The following CERS3 variants were observed in gnomAD, a reference collection of about 807,000 sequenced individuals.
CERS3 encodes LAG1 homolog, ceramide synthase 3.
Under a neutral mutation model 50.3 loss-of-function variants are expected in CERS3, and 33 were observed. That is an observed-to-expected ratio of 0.66 (90% CI 0.50 to 0.88). The LOEUF is 0.88. Among genes scored for constraint, CERS3 ranks in the 40% least tolerant of loss-of-function variants. The probability of loss-of-function intolerance (pLI) is 0.00; values close to 1 mark genes in which losing one functional copy is unlikely to be tolerated. For synonymous variants in CERS3, 176 were observed against 155.2 expected (o/e 1.13, Z -0.99); for missense variants, 470 against 460.3 (o/e 1.02, Z -0.19).
chr15:100,515,286 C>G (rs1003286750), intron 2 of CERS3, among the ~76,000 whole-genome samples: 3 of 152,190 alleles, frequency 2.0e-5, no homozygotes, highest in Non-Finnish European at 4.4e-5. Context: ...TGGATTTTAA[C>G]AATTTCAGAG....
chr15:100,437,465 G>C (rs989702044), intron 11 of CERS3, among the ~76,000 whole-genome samples: 4 of 152,176 alleles, frequency 2.6e-5, no homozygotes, highest in South Asian at 4.1e-4. Context: ...AGTCATGAAA[G>C]TCAACTGGCA....
At chr15:100,446,093 C>T (rs1369965124) in intron 11 of CERS3, among the ~76,000 whole-genome samples, 2 of 146,218 alleles carry the variant, frequency 1.4e-5, no homozygotes, top group Admixed American at 1.4e-4. Context: ...CCCTATCTCC[C>T]TTCACTGACT....
At chr15:100,441,199 C>A (rs140857680) in intron 11 of CERS3, among the ~76,000 whole-genome samples, 2 of 151,168 alleles carry the variant, frequency 1.3e-5, no homozygotes, top group Non-Finnish European at 3.0e-5. Flanking sequence ...CTTATCTCTG[C>A]GCCCTGATCC....
intron 3 of CERS3, among the ~76,000 whole-genome samples, chr15:100,495,229 T>TAA (rs907377045): frequency 2.0e-4 from 30 of 152,340 alleles, no homozygotes; most frequent in African/African-American, 7.2e-4. Context: ...GTTTCCACTG[T>TAA]AATTGTGGGC....
At chr15:100,482,978 TA>T (rs1451548595) in intron 5 of CERS3, among the ~76,000 whole-genome samples, 1 of 152,236 alleles carries the variant, frequency 6.6e-6, no homozygotes, top group African/African-American at 2.4e-5. Context: ...GTGACATTGC[TA>T]AAGAATAAGA....
At chr15:100,451,080 A>G (rs963812050) in intron 11 of CERS3, among the ~76,000 whole-genome samples, 2 of 152,220 alleles carry the variant, frequency 1.3e-5, no homozygotes, top group Non-Finnish European at 2.9e-5. Context: ...AAGTGAAAAA[A>G]TCATATCTAC....
At chr15:100,404,225 C>A (rs1455452695) in intron 11 of CERS3, among the ~76,000 whole-genome samples, 1 of 152,208 alleles carries the variant, frequency 6.6e-6, no homozygotes, top group Non-Finnish European at 1.5e-5. Context: ...CTTCTGACCT[C>A]TTGAACTGTG....
intron 1 of CERS3, among the ~76,000 whole-genome samples, chr15:100,540,605 C>T (rs2037179556): frequency 6.6e-6 from 1 of 152,186 alleles, no homozygotes; most frequent in African/African-American, 2.4e-5. Flanking sequence ...CAAATTACAC[C>T]ATTAGCCCCA....
intron 11 of CERS3, chr15:100,426,163 A>C (rs374495928): frequency 6.6e-5 from 10 of 152,234 alleles, no homozygotes; most frequent in African/African-American, 2.4e-4. Context: ...ATACACATCA[A>C]AAATTTCATA....
intron 11 of CERS3, among the ~76,000 whole-genome samples, chr15:100,439,290 A>G (rs1285996311): frequency 2.6e-5 from 4 of 152,246 alleles, no homozygotes; most frequent in African/African-American, 9.6e-5. Flanking sequence ...CTATTTTAAA[A>G]GTATAATCAC....
At chr15:100,443,571 C>A (rs2033800816) in intron 11 of CERS3, among the ~76,000 whole-genome samples, 1 of 149,716 alleles carries the variant, frequency 6.7e-6, no homozygotes, top group South Asian at 2.2e-4. Context: ...CCTTTGCACC[C>A]TTCATCCCAG....
At chr15:100,449,982 TACA>T (rs1184933458) in intron 11 of CERS3, among the ~76,000 whole-genome samples, 1 of 151,564 alleles carries the variant, frequency 6.6e-6, no homozygotes, top group Non-Finnish European at 1.5e-5. Flanking sequence ...AGATAAACAA[TACA>T]AGGAAATCAG....
intron 1 of CERS3, among the ~76,000 whole-genome samples, chr15:100,522,331 T>TA (rs1567681221): frequency 6.6e-6 from 1 of 152,218 alleles, no homozygotes; most frequent in Non-Finnish European, 1.5e-5. Context: ...GCTTTCTACC[T>TA]AACCAGATCA....
rs981783272 is a variant in CERS3, at chr15:100,467,771, A to C, written c.845+1607T>G. Among the ~76,000 whole-genome samples, 107 of 104,926 alleles carry C rather than the reference A, an allele frequency of 1.0e-3. 1 individual carries two copies. Among genetic ancestry groups the C allele is most frequent in the African/African-American group, 2.7e-3 (89 of 33,356 alleles). 68.8% of individuals were successfully genotyped at this position (104,926 alleles called of 152,430 possible). A position where few individuals can be genotyped will look rare whatever the true frequency, so the allele number is the denominator to read the frequency against. ...TCTCTCTCTCTCTCTCTCTCTCTCT[A>C]TATATATATACACACATATATATGT... On this transcript the variant is annotated intron_variant, in intron 10 of 11. Transcript: ENST00000679737.
At chr15:100,499,899 TC>T (rs1349841924) in intron 3 of CERS3, among the ~76,000 whole-genome samples, 1 of 152,080 alleles carries the variant, frequency 6.6e-6, no homozygotes, top group African/African-American at 2.4e-5. Flanking sequence ...TGGGTTCGAG[TC>T]CCAGATCCAT....
At chr15:100,437,759 C>T (rs1296555211) in intron 11 of CERS3, 1 of 152,164 alleles carries the variant, frequency 6.6e-6, no homozygotes, top group Non-Finnish European at 1.5e-5. Context: ...GCACTAATAT[C>T]ATGATCCCCA....
Position 100,484,512 on chromosome 15 carries a change from G to T in CERS3, c.407+38C>A, listed in dbSNP as rs1051995026. 5.1e-6 allele frequency: 7 copies of T among 1,382,634 alleles called. No individual in the cohort carries two copies. In the Admixed American group the frequency reaches 1.2e-4, roughly 23 times the overall value. 85.6% of individuals were successfully genotyped at this position (1,382,634 alleles called of 1,614,324 possible). On this transcript the variant is annotated intron_variant, in intron 5 of 11. Coordinates refer to ENST00000679737, the MANE Select transcript of CERS3 (RefSeq NM_001378789.1). Reference sequence around the variant, plus strand: ...GCAAGGACCACTCAGCTCCAGATAGGACGGCAGCATTCCTAAAGCTTGGCC... The same window carrying T: ...GCAAGGACCACTCAGCTCCAGATAGTACGGCAGCATTCCTAAAGCTTGGCC...
chr15:100,520,102 A>G (rs996797988), intron 2 of CERS3, among the ~76,000 whole-genome samples: 1 of 152,186 alleles, frequency 6.6e-6, no homozygotes, highest in Admixed American at 6.5e-5. Flanking sequence ...CAGGACCTGC[A>G]TGGGCCCCTT....
intron 11 of CERS3, among the ~76,000 whole-genome samples, chr15:100,443,026 CCCCACCTG>C (rs1353667163): frequency 9.2e-5 from 14 of 151,816 alleles, no homozygotes; most frequent in Non-Finnish European, 1.8e-4. Flanking sequence ...TTTTAGTTAT[CCCCACCTG>C]CCCAGTTCCC....
Sources: gnomAD v4.1 joint callset for allele counts (sites outside exome capture counted in the v4.1 genomes callset) on GRCh38, gnomAD v4.1.1 for gene constraint, MANE v1.5 for transcripts, NCBI Gene and HGNC (gene_info 2026-07-23, HGNC 2026-07-21) for gene names.